Variants in FIBCD1 observed in about 807,000 individuals in gnomAD.
The protein encoded by FIBCD1 is fibrinogen C domain containing 1.
In FIBCD1, 47 loss-of-function variants were observed where a neutral mutation model predicts 45.1. The observed-to-expected ratio is 1.04, with a 90% confidence interval of 0.82 to 1.33. FIBCD1 has a LOEUF of 1.33. FIBCD1 is among the 40% of genes most tolerant of loss of function. The pLI is 0.00. For synonymous variants in FIBCD1, 313 were observed against 308.1 expected (o/e 1.02, Z -0.17); for missense variants, 653 against 682.2 (o/e 0.96, Z 0.48).
intron 1 of FIBCD1, chr9:130,933,800 C>T (rs1832478470): frequency 6.6e-6 from 1 of 152,098 alleles, no homozygotes; most frequent in Non-Finnish European, 1.5e-5. Flanking sequence ...CTCCCTTCCT[C>T]CTCACTTCCT....
intron 1 of FIBCD1, chr9:130,930,747 G>C (rs1367380562): frequency 4.4e-6 from 2 of 455,692 alleles, no homozygotes; most frequent in Non-Finnish European, 8.8e-6. Flanking sequence ...ATTTCCCACA[G>C]TGTGACCTTG....
At chr9:130,918,647 C>T (rs758512612) in intron 4 of FIBCD1, among the ~76,000 whole-genome samples, 6 of 152,198 alleles carry the variant, frequency 3.9e-5, no homozygotes, top group Non-Finnish European at 7.3e-5. Context: ...TGAGCTACGG[C>T]AGCCCTTCAA....
Position 130,938,769 on chromosome 9 carries a change from A to G in FIBCD1, c.-162T>C, listed in dbSNP as rs1293021534. Reference sequence around the variant, plus strand: ...CCCGGGAGCGGGCGGGCGTGTGAGGATGAGCGCGCCGCTGTGTGCGGGCGG... The same window carrying G: ...CCCGGGAGCGGGCGGGCGTGTGAGGGTGAGCGCGCCGCTGTGTGCGGGCGG... On this transcript the variant is annotated 5_prime_UTR_variant, in exon 1 of 7. Transcript: ENST00000372338. The G allele has an allele frequency of 5.0e-6, 1 of 200,772 alleles. No individual in the cohort carries two copies. The highest frequency in any genetic ancestry group is 9.1e-6 in the Non-Finnish European group (1 of 109,874). The allele number at this position is 200,772 out of a possible 1,614,324, so 12.4% of individuals were successfully genotyped here.
intron 1 of FIBCD1, among the ~76,000 whole-genome samples, chr9:130,933,391 A>C (rs998731796): frequency 1.3e-4 from 20 of 152,236 alleles, no homozygotes; most frequent in Admixed American, 8.5e-4. Flanking sequence ...GAGGATGCAC[A>C]CAGAGCCCCC....
At position 130,922,998 on chromosome 9, in the gene FIBCD1, G is replaced by T. The variant is rs1832288549; in HGVS notation, c.849+746C>A. ...TTCCGCCCCCAATGCCCCCTGGCGT[G>T]TAAATTCCTCGGGAGGACTGGGACA... On this transcript the variant is annotated intron_variant, in intron 4 of 6. Coordinates refer to ENST00000372338, the MANE Select transcript of FIBCD1 (RefSeq NM_032843.5). The surrounding 1 kb of genome is among the most constrained non-coding windows in gnomAD (Gnocchi z 4.5). 6.6e-6 allele frequency among the ~76,000 whole-genome samples: 1 copy of T among 152,156 alleles called. No individual in the cohort carries two copies. The highest frequency in any genetic ancestry group is 1.5e-5 in the Non-Finnish European group (1 of 68,036).
chr9:130,930,436 GGGGAGATGCGGGGAGACGCA>G (rs1054650938), intron 1 of FIBCD1, among the ~76,000 whole-genome samples: 3 of 56,140 alleles, frequency 5.3e-5, no homozygotes, highest in Non-Finnish European at 1.2e-4. Context: ...GGGGAGACAT[GGGGAGATGCGGGGAGACGCA>G]GGGAGACGCG....
upstream of FIBCD1, among the ~76,000 whole-genome samples, chr9:130,939,657 G>C (rs894593736): frequency 1.3e-5 from 2 of 151,498 alleles, no homozygotes; most frequent in South Asian, 2.1e-4. Context: ...GCTCGGCCGC[G>C]CTCCCGGCCG....
At chr9:130,930,549 A>C (rs1427970604) in intron 1 of FIBCD1, among the ~76,000 whole-genome samples, 1 of 152,012 alleles carries the variant, frequency 6.6e-6, no homozygotes, top group Non-Finnish European at 1.5e-5. Context: ...CAGAATGCCA[A>C]GCCTTCCCTC....
chr9:130,918,234 GAGA>G (rs765855294), intron 4 of FIBCD1, among the ~76,000 whole-genome samples: 3 of 152,266 alleles, frequency 2.0e-5, no homozygotes, highest in Non-Finnish European at 4.4e-5. Flanking sequence ...TGGGAACCCT[GAGA>G]AGGAGTGAGT....
intron 1 of FIBCD1, among the ~76,000 whole-genome samples, chr9:130,933,438 G>C (rs1832470755): frequency 6.6e-6 from 1 of 152,152 alleles, no homozygotes; most frequent in African/African-American, 2.4e-5. Flanking sequence ...AAGTGAGCAG[G>C]AGAGAGACCG....
intron 4 of FIBCD1, among the ~76,000 whole-genome samples, chr9:130,920,462 A>T (rs1244721511): frequency 6.6e-6 from 1 of 152,112 alleles, no homozygotes; most frequent in African/African-American, 2.4e-5. Flanking sequence ...GAAAAGCGAG[A>T]CTTAACAGAG....
chr9:130,937,562 C>T (rs776501589), intron 1 of FIBCD1, among the ~76,000 whole-genome samples: 7 of 152,192 alleles, frequency 4.6e-5, no homozygotes, highest in South Asian at 2.1e-4. Flanking sequence ...CTGCCCGTGC[C>T]GCCCCCTCCT....
At chr9:130,940,392 C>T (rs1364465324), upstream of FIBCD1, among the ~76,000 whole-genome samples, 1 of 152,260 alleles carries the variant, frequency 6.6e-6, no homozygotes, top group East Asian at 1.9e-4. Context: ...CTGAGGCTGC[C>T]CGGGAGTTGG....
Position 130,926,895 on chromosome 9 carries a change from G to T in FIBCD1, c.553-2499C>A, listed in dbSNP as rs532928281. ...TGTACTAACCTCCTGGCGTTATGGG[G>T]CTGCAAAGTGCCTATTAACGCGGAG... On this transcript the variant is annotated intron_variant, in intron 2 of 6. Coordinates refer to ENST00000372338, the MANE Select transcript of FIBCD1 (RefSeq NM_032843.5). This position sits in a 1 kb window ranked among gnomAD's most constrained non-coding sequence, Gnocchi z 4.1. Among the ~76,000 whole-genome samples, 1 of 152,144 alleles carries T rather than the reference G, an allele frequency of 6.6e-6. No homozygotes were observed. The highest frequency in any genetic ancestry group is 1.5e-5 in the Non-Finnish European group (1 of 68,034).
At chr9:130,910,045 C>T (rs370998110) in intron 5 of FIBCD1, among the ~76,000 whole-genome samples, 229 of 152,360 alleles carry the variant, frequency 1.5e-3, no homozygotes, top group Non-Finnish European at 2.6e-3. Context: ...TTCAGCCCAC[C>T]GCTGCGCTGT....
chr9:130,909,372 C>G (rs999797936), intron 5 of FIBCD1, among the ~76,000 whole-genome samples: 15 of 152,182 alleles, frequency 9.9e-5, no homozygotes, highest in African/African-American at 3.1e-4. Flanking sequence ...CGAGGCCGCC[C>G]AGATGACACT....
chr9:130,908,946 G>A (rs1163619462), intron 5 of FIBCD1, among the ~76,000 whole-genome samples: 2 of 152,188 alleles, frequency 1.3e-5, no homozygotes, highest in African/African-American at 4.8e-5. Flanking sequence ...CTGCCTTTGG[G>A]GCCCCCGACC....
Position 130,926,170 on chromosome 9 carries a change from G to A in FIBCD1, c.553-1774C>T, listed in dbSNP as rs900898783. On this transcript the variant is annotated intron_variant, in intron 2 of 6. Transcript: ENST00000372338. The surrounding 1 kb of genome is among the most constrained non-coding windows in gnomAD (Gnocchi z 4.1). ...GTAGGTGGGGGCCGCCGTGCGATGT[G>A]TGTGCGGCAAACATCACTTGGTTAA... 2.0e-5 allele frequency among the ~76,000 whole-genome samples: 3 copies of A among 152,210 alleles called. No homozygotes were observed. Among genetic ancestry groups the A allele is most frequent in the African/African-American group, 7.2e-5 (3 of 41,440 alleles).
At chr9:130,920,882 T>C (rs902378177) in intron 4 of FIBCD1, among the ~76,000 whole-genome samples, 6 of 152,188 alleles carry the variant, frequency 3.9e-5, no homozygotes, top group African/African-American at 9.7e-5. Context: ...CGCTGAGCTG[T>C]CTCGTCGCTG....
Sources: allele counts gnomAD v4.1 joint callset (sites outside exome capture counted in the v4.1 genomes callset), GRCh38; gene constraint gnomAD v4.1.1; non-coding constraint Gnocchi (gnomAD v3.1); transcripts MANE v1.5; gene names NCBI Gene and HGNC (gene_info 2026-07-23, HGNC 2026-07-21).